GFPT2: variants seen among roughly 807,000 people sequenced by gnomAD.
The protein encoded by GFPT2 is glutamine--fructose-6-phosphate aminotransferase [isomerizing] 2.
A neutral mutation model predicts 85.6 loss-of-function variants in GFPT2; 62 were observed. The observed-to-expected ratio is 0.72, with a 90% CI of 0.59 to 0.90. GFPT2 has a LOEUF of 0.90. Among genes scored for constraint, GFPT2 ranks in the 40% least tolerant of loss-of-function variants. The probability of loss-of-function intolerance (pLI) is 0.00; values close to 1 mark genes in which losing one functional copy is unlikely to be tolerated. For synonymous variants in GFPT2, 368 were observed against 344.5 expected (o/e 1.07, Z -0.75); for missense variants, 788 against 893.4 (o/e 0.88, Z 1.50).
chr5:180,342,093 C>T (rs1167138234), intron 1 of GFPT2, among the ~76,000 whole-genome samples: 1 of 152,098 alleles, frequency 6.6e-6, no homozygotes, highest in Non-Finnish European at 1.5e-5. Context: ...CTTCCCTGCA[C>T]ACACTCTCTT....
At chr5:180,315,810 T>G (rs1438844257) in intron 13 of GFPT2, among the ~76,000 whole-genome samples, 1 of 152,054 alleles carries the variant, frequency 6.6e-6, no homozygotes, top group African/African-American at 2.4e-5. Context: ...CCAGATGGGG[T>G]GCATGTAGCT....
chr5:180,352,424 A>C lies in GFPT2; in HGVS notation c.7+787T>G, dbSNP rs1224515617. 5.5e-5 allele frequency: 25 copies of C among 454,082 alleles called. No homozygotes were observed. The Admixed American group carries it at 5.9e-4, about 11-fold the overall frequency. The allele number at this position is 454,082 out of a possible 1,614,324, so 28.1% of individuals were successfully genotyped here. On this transcript the variant is annotated intron_variant, in intron 1 of 18. Coordinates refer to ENST00000253778, the MANE Select transcript of GFPT2 (RefSeq NM_005110.4). ...CTCTCCCGGCCAGCGGAGGCGGCCC[A>C]GCCAGGAGAGTAAAGAATTGCAGAT...
rs72811044 is a variant in GFPT2 at position 180,333,129 on chromosome 5, C to A, written c.341-1576G>T. 6.3e-3 allele frequency among the ~76,000 whole-genome samples: 964 copies of A among 152,206 alleles called. 4 individuals are homozygous for A. The highest frequency in any genetic ancestry group is 9.9e-3 in the Non-Finnish European group (672 of 68,014). On this transcript the variant is annotated intron_variant, in intron 4 of 18. Coordinates refer to ENST00000253778, the MANE Select transcript of GFPT2 (RefSeq NM_005110.4). The stretch of plus-strand genomic sequence containing the variant: ...ATTTTTTACTGCTCTGTGCTCTGAT[C>A]GCTTCTTGTGCACACCAGTTACCCA...
chr5:180,352,584 G>A (rs1480422623), intron 1 of GFPT2: 1 of 449,074 alleles, frequency 2.2e-6, no homozygotes, highest in East Asian at 7.5e-5. Context: ...CCGAGGTTCG[G>A]GCAGTGACTG....
chr5:180,351,816 G>A (rs1042481610), intron 1 of GFPT2, among the ~76,000 whole-genome samples: 3 of 152,200 alleles, frequency 2.0e-5, no homozygotes, highest in African/African-American at 7.2e-5. Flanking sequence ...GGGCAGAGGA[G>A]CATCTGAAAG....
intron 1 of GFPT2, among the ~76,000 whole-genome samples, chr5:180,344,331 C>T (rs567844842): frequency 1.3e-5 from 2 of 152,246 alleles, no homozygotes; most frequent in Admixed American, 6.5e-5. Context: ...TTCCACTGCA[C>T]GTGTCCTCTT....
At chr5:180,313,258 GA>G (rs1763930146) in intron 14 of GFPT2, among the ~76,000 whole-genome samples, 1 of 151,948 alleles carries the variant, frequency 6.6e-6, no homozygotes, top group Non-Finnish European at 1.5e-5. Flanking sequence ...CAACATGGAC[GA>G]AACACAGGAA....
Position 180,328,625 on chromosome 5 carries a change from G to C in GFPT2, c.535-287C>G, listed in dbSNP as rs1298914695. The stretch of plus-strand genomic sequence containing the variant: ...GGCAGGGGTGCCAGCTGGGTAGACG[G>C]GGCAGTGAGAGTCACAGGAAATGAT... On this transcript the variant is annotated intron_variant, in intron 6 of 18. Transcript: ENST00000253778. This position sits in a 1 kb window ranked among gnomAD's most constrained non-coding sequence, Gnocchi z 5.4. Among the ~76,000 whole-genome samples, 1 of 152,222 alleles carries C rather than the reference G, an allele frequency of 6.6e-6. No homozygotes were observed. Among genetic ancestry groups the C allele is most frequent in the Non-Finnish European group, 1.5e-5 (1 of 68,036 alleles).
intron 15 of GFPT2, among the ~76,000 whole-genome samples, chr5:180,309,954 G>GCACCCACTACCACGCCCAGCTAATTTT (rs1763848740): frequency 6.6e-6 from 1 of 151,496 alleles, no homozygotes; most frequent in Non-Finnish European, 1.5e-5. Flanking sequence ...GGGACTACAG[G>GCACCCACTACCACGCCCAGCTAATTTT]TGCCCACCAC....
At chr5:180,338,346 G>C in intron 2 of GFPT2, 147 bp downstream of exon 2, 1 of 471,328 alleles carries the variant, frequency 2.1e-6, no homozygotes, top group Non-Finnish European at 3.8e-6. Context: ...TTTCTTTAAC[G>C]GACAAGTGTT....
In GFPT2 at chr5:180,313,877, G is replaced by A; in HGVS notation, c.1361C>T (p.Ser454Phe). 6.2e-7 allele frequency: 1 copy of A among 1,606,164 alleles called. No individual in the cohort carries two copies. Among genetic ancestry groups the A allele is most frequent in the Non-Finnish European group, 8.5e-7 (1 of 1,178,994 alleles). ...TVGVTNTVGS[S>F]ISRETDCGVH... is the part of the protein sequence containing the mutation. ...GCCGCAGTCGGTCTCGCGAGAGATG[G>A]AGCTGCCCACGGTGTTGGTGACGCC... The change falls in exon 14 of 19, where the codon TCC becomes TTC. Residue 454 changes from serine to phenylalanine, a missense_variant. Transcript: ENST00000253778.
At position 180,330,972 on chromosome 5, in the gene GFPT2, T is replaced by C; in HGVS notation, c.400-138A>G. The stretch of plus-strand genomic sequence containing the variant: ...GGGAAAACCGGGAAGGGGGGAAAAA[T>C]GTTTGCCAGCATCACAGCCAAATAC... On this transcript the variant is annotated intron_variant, in intron 5 of 18. Transcript: ENST00000253778. This position sits in a 1 kb window ranked among gnomAD's most constrained non-coding sequence, Gnocchi z 4.4. 2 of 749,528 alleles carry C rather than the reference T, an allele frequency of 2.7e-6. No homozygotes were observed. The highest frequency in any genetic ancestry group is 4.3e-6 in the Non-Finnish European group (2 of 468,222). 46.4% of individuals were successfully genotyped at this position (749,528 alleles called of 1,614,324 possible).
At chr5:180,351,057 C>G (rs1764702277) in intron 1 of GFPT2, among the ~76,000 whole-genome samples, 1 of 152,234 alleles carries the variant, frequency 6.6e-6, no homozygotes, top group Admixed American at 6.5e-5. Flanking sequence ...TTGCAGTATC[C>G]TTGTACTAAT....
intron 16 of GFPT2, among the ~76,000 whole-genome samples, chr5:180,305,673 A>T (rs1261653087): frequency 6.6e-6 from 1 of 152,060 alleles, no homozygotes; most frequent in Admixed American, 6.6e-5. Flanking sequence ...CCTTCAGCAG[A>T]CTCATGCGGA....
rs1763777225 is a variant in GFPT2, at chr5:180,306,342, C to G, written c.1674+834G>C. Among the ~76,000 whole-genome samples the G allele has an allele frequency of 2.0e-5, 3 of 152,196 alleles. No individual in the cohort carries two copies. In the South Asian group the frequency reaches 6.2e-4, roughly 32 times the overall value. ...GAGATGGGAGAGGATGGCAGCCCAG[C>G]TGGGCCACGGTTAATGCCCTCGTCT... On this transcript the variant is annotated intron_variant, in intron 16 of 18. Coordinates refer to ENST00000253778, the MANE Select transcript of GFPT2 (RefSeq NM_005110.4).
intron 2 of GFPT2, 119 bp from the exon 3 acceptor site, chr5:180,336,696 G>A (rs1003451172): frequency 6.5e-5 from 48 of 741,496 alleles, no homozygotes; most frequent in Admixed American, 6.0e-4. Flanking sequence ...GCAGGTTGGA[G>A]AGCTGTACAG....
chr5:180,339,895 G>A (rs1339415217), intron 1 of GFPT2, among the ~76,000 whole-genome samples: 1 of 152,258 alleles, frequency 6.6e-6, no homozygotes, highest in Non-Finnish European at 1.5e-5. Context: ...AATATGTGAT[G>A]AGTGTGTATC....
At chr5:180,353,144 G>C (rs1764750504) in intron 1 of GFPT2, 67 bp downstream of exon 1, 6 of 1,210,646 alleles carry the variant, frequency 5.0e-6, no homozygotes, top group South Asian at 4.2e-5. Flanking sequence ...CGGAGGCGCG[G>C]AGAGGCTGCG....
At chr5:180,314,016 C>A in intron 13 of GFPT2, 52 bp from the exon 14 acceptor site, 1 of 1,511,096 alleles carries the variant, frequency 6.6e-7, no homozygotes, top group East Asian at 2.5e-5. Context: ...TCGGCCCCAC[C>A]CCAAACCCCT....
Sources: allele counts gnomAD v4.1 joint callset (sites outside exome capture counted in the v4.1 genomes callset), GRCh38; gene constraint gnomAD v4.1.1; non-coding constraint Gnocchi (gnomAD v3.1); transcripts MANE v1.5; gene names NCBI Gene and HGNC (gene_info 2026-07-23, HGNC 2026-07-21).